The following AP3M2 variants were observed in gnomAD, a reference collection of about 807,000 sequenced individuals.
The protein encoded by AP3M2 is adaptor related protein complex 3 subunit mu 2.
Under a neutral mutation model 41.6 loss-of-function variants are expected in AP3M2, and 28 were observed. The observed-to-expected ratio is 0.67, with a 90% CI of 0.50 to 0.92. AP3M2 has a LOEUF of 0.92. AP3M2 is among the 40% of genes least tolerant of loss of function. The probability of loss-of-function intolerance (pLI) is 0.00; values close to 1 mark genes in which losing one functional copy is unlikely to be tolerated. For missense variants in AP3M2, 427 were observed against 521.4 expected (o/e 0.82, Z 1.76); for synonymous variants, 193 against 186.4 (o/e 1.04, Z -0.29).
chr8:42,158,332 TC>T (rs1804415722), intron 3 of AP3M2, among the ~76,000 whole-genome samples: 2 of 148,862 alleles, frequency 1.3e-5, no homozygotes, highest in Non-Finnish European at 3.0e-5. Flanking sequence ...CACTGCAACC[TC>T]CGCCTCCTGG....
At chr8:42,155,015 C>G in intron 2 of AP3M2, 55 bp downstream of exon 2, 1 of 1,449,546 alleles carries the variant, frequency 6.9e-7, no homozygotes, top group Non-Finnish European at 9.5e-7. Context: ...CTTTGTAGTC[C>G]TGTTTCCATT....
intron 3 of AP3M2, among the ~76,000 whole-genome samples, chr8:42,161,111 T>A (rs1804494327): frequency 1.3e-5 from 2 of 152,142 alleles, no homozygotes; most frequent in African/African-American, 4.8e-5. Context: ...GAAATCAGCC[T>A]GGGCAACTTG....
In AP3M2 at chr8:42,171,019, T is replaced by C. The variant is rs1050275; in HGVS notation, c.*1958T>C. 33,633 of 152,286 alleles carry C rather than the reference T, an allele frequency of 0.22. 4,595 individuals are homozygous for C. Among genetic ancestry groups the C allele is most frequent in the Admixed American group, 0.3 (4,631 of 15,302 alleles). 9.4% of individuals were successfully genotyped at this position (152,286 alleles called of 1,614,324 possible). ...TAGATGAAATAACTGTCCTGTCACA[T>C]GTGCAGCAGGCCATGGAGTGTAGCG... On this transcript the variant is annotated 3_prime_UTR_variant, in exon 9 of 9. Transcript: ENST00000396926.
At chr8:42,160,004 A>G (rs1299459797) in intron 3 of AP3M2, among the ~76,000 whole-genome samples, 3 of 152,182 alleles carry the variant, frequency 2.0e-5, no homozygotes, top group Admixed American at 6.5e-5. Flanking sequence ...TTTTAAAAAG[A>G]GGAAAGATAA....
chr8:42,155,076 T>G lies in AP3M2; in HGVS notation c.273+116T>G, dbSNP rs540277495. ...AAAAAAAAAAATCAAAACTCTGGTATTACTCACTTCCTCTCCCATCTGATA... is the reference window on the plus strand; with the variant it reads ...AAAAAAAAAAATCAAAACTCTGGTAGTACTCACTTCCTCTCCCATCTGATA... On this transcript the variant is annotated intron_variant, in intron 2 of 8. Transcript: ENST00000396926. The G allele has an allele frequency of 3.1e-4, 263 of 847,910 alleles. 1 individual carries two copies. The Middle Eastern group carries it at 3.1e-3, about 10-fold the overall frequency. 52.5% of individuals were successfully genotyped at this position (847,910 alleles called of 1,614,324 possible).
chr8:42,155,392 CA>C (rs765312437), intron 2 of AP3M2, among the ~76,000 whole-genome samples: 21 of 152,282 alleles, frequency 1.4e-4, no homozygotes, highest in Non-Finnish European at 2.5e-4. Context: ...CTCTCCCAGT[CA>C]GGGGTAACTC....
At chr8:42,156,162 A>G in intron 2 of AP3M2, 2 of 372,340 alleles carry the variant, frequency 5.4e-6, no homozygotes, top group South Asian at 4.0e-5. Flanking sequence ...TGAGATTAAC[A>G]GTCGCACTGG....
At chr8:42,168,705 C>A (rs1490642316) in intron 8 of AP3M2, among the ~76,000 whole-genome samples, 1 of 152,142 alleles carries the variant, frequency 6.6e-6, no homozygotes, top group African/African-American at 2.4e-5. Flanking sequence ...TCCTTATCCT[C>A]ATTTTAGTCT....
At chr8:42,167,128 G>T in intron 6 of AP3M2, 36 bp from the exon 7 acceptor site, 1 of 1,590,762 alleles carries the variant, frequency 6.3e-7, no homozygotes, top group Non-Finnish European at 8.6e-7. Flanking sequence ...TTTTCCCAGT[G>T]CACGAATGAA....
Position 42,154,644 on chromosome 8 carries a change from T to C in AP3M2, c.-44T>C. 1.2e-6 allele frequency: 2 copies of C among 1,603,502 alleles called. No homozygotes were observed. Among genetic ancestry groups the C allele is most frequent in the African/African-American group, 1.3e-5 (1 of 74,606 alleles). On this transcript the variant is annotated 5_prime_UTR_variant, in exon 2 of 9. Coordinates refer to ENST00000396926, the MANE Select transcript of AP3M2 (RefSeq NM_006803.4). ...TGAAAACTTACAGAGTCCTGAGGCT[T>C]TCAGACTGAAAAAGGCTTTCTTCTG... is the stretch of plus-strand genomic sequence containing the variant.
intron 6 of AP3M2, among the ~76,000 whole-genome samples, chr8:42,166,728 C>T (rs113790558): frequency 0.018 from 2,740 of 151,742 alleles, 120 homozygotes; most frequent in East Asian, 0.12. Flanking sequence ...GATCGTGCCA[C>T]TGCACTCCAA....
intron 4 of AP3M2, among the ~76,000 whole-genome samples, chr8:42,162,645 T>TA (rs950670348): frequency 2.0e-5 from 3 of 151,846 alleles, no homozygotes; most frequent in Admixed American, 2.0e-4. Flanking sequence ...TCCTCTTGAA[T>TA]AAAAAAGAGA....
At chr8:42,166,519 T>TA (rs1221902474) in intron 6 of AP3M2, among the ~76,000 whole-genome samples, 14 of 139,634 alleles carry the variant, frequency 1.0e-4, no homozygotes, top group Middle Eastern at 4.0e-3. Context: ...AAAAAAATTA[T>TA]AGAGACAAGA....
intron 6 of AP3M2, among the ~76,000 whole-genome samples, chr8:42,166,758 C>A (rs1198331587): frequency 5.9e-5 from 9 of 151,712 alleles, no homozygotes; most frequent in African/African-American, 2.2e-4. Context: ...CCGAGCCAGA[C>A]CCTATCTCAA....
chr8:42,155,947 C>T, intron 2 of AP3M2: 1 of 455,314 alleles, frequency 2.2e-6, no homozygotes. Flanking sequence ...AATTAAAATA[C>T]ATTTTTTGTT....
At position 42,162,435 on chromosome 8, in the gene AP3M2, T is replaced by A; in HGVS notation, c.583+17T>A. ...ATAAATCAGGTAGGTGCTTTTAATA[T>A]GTTCTCAGAAATATGAAAATAGAAA... On this transcript the variant is annotated intron_variant, in intron 4 of 8. Transcript: ENST00000396926. The A allele has an allele frequency of 1.3e-6, 2 of 1,588,448 alleles. No individual in the cohort carries two copies. The highest frequency in any genetic ancestry group is 1.7e-4 in the Middle Eastern group (1 of 5,936).
chr8:42,169,967 G>A lies in AP3M2; in HGVS notation c.*906G>A, dbSNP rs932416350. ...CTTCTACAGGATTTTTAAAAAGTAA[G>A]AGAGTTTCAGAGAAGCCGATCCCAT... On this transcript the variant is annotated 3_prime_UTR_variant, in exon 9 of 9. Transcript: ENST00000396926. 2.1e-4 allele frequency: 32 copies of A among 152,286 alleles called. 1 individual carries two copies. Among genetic ancestry groups the A allele is most frequent in the African/African-American group, 7.7e-4 (32 of 41,546 alleles). 9.4% of individuals were successfully genotyped at this position (152,286 alleles called of 1,614,324 possible). A position where few individuals can be genotyped will look rare whatever the true frequency, so the allele number is the denominator to read the frequency against.
In AP3M2 at chr8:42,167,174, A is replaced by T. The variant is rs761733758; in HGVS notation, c.814A>T (p.Ile272Phe). 6.2e-7 allele frequency: 1 copy of T among 1,614,156 alleles called. No homozygotes were observed. The highest frequency in any genetic ancestry group is 8.5e-7 in the Non-Finnish European group (1 of 1,180,020). The change falls in exon 7 of 9, where the codon ATC becomes TTC. Residue 272 changes from isoleucine (I) to phenylalanine (F), a missense_variant. By Grantham distance (21) the Ile-to-Phe change is conservative. Coordinates refer to ENST00000396926, the MANE Select transcript of AP3M2 (RefSeq NM_006803.4). ...YHVSAQNLVA[I>F]PVYVKHNISF... The stretch of plus-strand genomic sequence containing the variant: ...GTCTCTCATTTCCAGTCTGGTTGCA[A>T]TCCCAGTGTATGTCAAACATAACAT...
chr8:42,154,941 G>T lies in AP3M2; in HGVS notation c.254G>T (p.Arg85Leu), dbSNP rs762607714. Residue 85 changes from arginine (R) to leucine (L), a missense_variant, in exon 2 of 9, where the codon CGA (arginine) becomes CTA (leucine). Physicochemically the swap from Arg to Leu is moderately radical, Grantham distance 102 (BLOSUM62 -2). Around this residue, in one of 3 missense-constraint regions of AP3M2, gnomAD observed 86 missense variants for 142.6 expected, o/e 0.60. Transcript: ENST00000396926. ...CTGTTTGTCATTGAGTTTCTTCACC[G>T]AGTGGTGGACACATTTCAGGTTCGT... Reference protein sequence around the residue: ...PPLFVIEFLHRVVDTFQDYFG... With the variant: ...PPLFVIEFLHLVVDTFQDYFG... The T allele has an allele frequency of 6.2e-7, 1 of 1,613,928 alleles. No individual in the cohort carries two copies.
Sources: allele counts gnomAD v4.1 joint callset (sites outside exome capture counted in the v4.1 genomes callset), GRCh38; gene constraint gnomAD v4.1.1; regional missense constraint gnomAD v4.1.1; transcripts MANE v1.5; gene names NCBI Gene and HGNC (gene_info 2026-07-23, HGNC 2026-07-21).